Variants in SRPK2 observed in about 807,000 individuals in gnomAD.
The protein encoded by SRPK2 is SFRS protein kinase 2.
A neutral mutation model predicts 90.8 loss-of-function variants in SRPK2; 21 were observed. That is an observed-to-expected ratio of 0.23 (90% confidence interval 0.16 to 0.33). The LOEUF is 0.33. Among genes scored for constraint, SRPK2 ranks in the 10% least tolerant of loss-of-function variants. The pLI, the probability that SRPK2 is intolerant of heterozygous loss-of-function variation, is 1.00. For synonymous variants in SRPK2, 288 were observed against 311.1 expected, an observed-to-expected ratio of 0.93 and a Z score of 0.78; for missense variants, 620 against 869.0, an observed-to-expected ratio of 0.71 and a Z score of 3.60.
intron 2 of SRPK2, among the ~76,000 whole-genome samples, chr7:105,307,343 A>T (rs1211328732): frequency 2.6e-5 from 4 of 152,242 alleles, no homozygotes; most frequent in Non-Finnish European, 5.9e-5. Context: ...TTAAAAGGAT[A>T]AACATACGAT....
intron 2 of SRPK2, among the ~76,000 whole-genome samples, chr7:105,374,969 T>G (rs868172856): frequency 1.3e-5 from 2 of 151,868 alleles, no homozygotes. Context: ...AAATCATATA[T>G]AAGAGATGAT....
intron 2 of SRPK2, among the ~76,000 whole-genome samples, chr7:105,309,909 AT>A (rs1186945806): frequency 6.6e-6 from 1 of 152,184 alleles, no homozygotes; most frequent in African/African-American, 2.4e-5. Context: ...TGAGGGGCTC[AT>A]AAGCCAGTAG....
At chr7:105,353,099 G>C (rs1056545994) in intron 2 of SRPK2, among the ~76,000 whole-genome samples, 1 of 152,110 alleles carries the variant, frequency 6.6e-6, no homozygotes, top group Non-Finnish European at 1.5e-5. Flanking sequence ...TCAGTAAAAT[G>C]AAAGGGTTAG....
intron 2 of SRPK2, among the ~76,000 whole-genome samples, chr7:105,275,074 G>C (rs552334720): frequency 2.0e-5 from 3 of 152,080 alleles, no homozygotes; most frequent in African/African-American, 7.2e-5. Context: ...TTTTAGTAGA[G>C]ACGGGGGTTT....
intron 3 of SRPK2, among the ~76,000 whole-genome samples, chr7:105,203,227 C>T (rs1044360987): frequency 5.3e-5 from 8 of 152,090 alleles, no homozygotes; most frequent in Non-Finnish European, 7.4e-5. Context: ...TGAACTCAAG[C>T]GATCTGCCCA....
chr7:105,247,214 T>C (rs1214244783), intron 2 of SRPK2, among the ~76,000 whole-genome samples: 1 of 152,172 alleles, frequency 6.6e-6, no homozygotes, highest in Non-Finnish European at 1.5e-5. Flanking sequence ...TTTTTCTCTA[T>C]ATACTAACTA....
At chr7:105,164,633 T>C (rs1808238216) in intron 6 of SRPK2, among the ~76,000 whole-genome samples, 1 of 152,238 alleles carries the variant, frequency 6.6e-6, no homozygotes, top group Admixed American at 6.5e-5. Context: ...ATAAAGTTTA[T>C]ATTCTTTATT....
At chr7:105,377,793 C>T (rs551797950) in intron 2 of SRPK2, among the ~76,000 whole-genome samples, 127 of 152,260 alleles carry the variant, frequency 8.3e-4, no homozygotes, top group African/African-American at 3.0e-3. Context: ...AAAATGGCAA[C>T]ACCACCCATA....
intron 2 of SRPK2, among the ~76,000 whole-genome samples, chr7:105,290,225 G>T: frequency 6.9e-6 from 1 of 144,266 alleles, no homozygotes; most frequent in South Asian, 2.2e-4. Flanking sequence ...GGCACAAACA[G>T]ATTTGCAAGA....
chr7:105,312,370 G>A (rs1811800605), intron 2 of SRPK2, among the ~76,000 whole-genome samples: 1 of 138,690 alleles, frequency 7.2e-6, no homozygotes, highest in Non-Finnish European at 1.5e-5. Context: ...AACCCAGGAG[G>A]CGGAGCTTGC....
At chr7:105,319,860 CTTTT>C (rs75125198) in intron 2 of SRPK2, among the ~76,000 whole-genome samples, 2 of 145,734 alleles carry the variant, frequency 1.4e-5, no homozygotes. Context: ...ACTTCCCCCC[CTTTT>C]TTTTTTTTTT....
intron 2 of SRPK2, among the ~76,000 whole-genome samples, chr7:105,330,740 G>A (rs142763623): frequency 2.0e-4 from 30 of 152,232 alleles, no homozygotes; most frequent in East Asian, 1.3e-3. Context: ...GGTGCTTTCC[G>A]AGGCCAAGGC....
intron 2 of SRPK2, among the ~76,000 whole-genome samples, chr7:105,249,135 T>G (rs1302069540): frequency 3.9e-5 from 6 of 152,156 alleles, no homozygotes; most frequent in African/African-American, 1.4e-4. Context: ...TTCACACATC[T>G]GCAGCCTGAT....
At chr7:105,212,992 G>C (rs1797045285) in intron 2 of SRPK2, among the ~76,000 whole-genome samples, 1 of 152,134 alleles carries the variant, frequency 6.6e-6, no homozygotes, top group South Asian at 2.1e-4. Flanking sequence ...AGACATAACT[G>C]AAAGTATATA....
At chr7:105,122,139 C>T (rs976389724) in intron 15 of SRPK2, among the ~76,000 whole-genome samples, 1 of 152,156 alleles carries the variant, frequency 6.6e-6, no homozygotes, top group African/African-American at 2.4e-5. Flanking sequence ...CCCTACCTCA[C>T]ATCCCATACA....
intron 2 of SRPK2, among the ~76,000 whole-genome samples, chr7:105,235,877 C>T (rs1800066390): frequency 3.3e-5 from 5 of 152,126 alleles, no homozygotes; most frequent in Admixed American, 3.3e-4. Context: ...AGAGATGTTG[C>T]ACAGCACTAT....
At chr7:105,342,651 G>T (rs1815961201) in intron 2 of SRPK2, among the ~76,000 whole-genome samples, 1 of 152,104 alleles carries the variant, frequency 6.6e-6, no homozygotes, top group Non-Finnish European at 1.5e-5. Flanking sequence ...ATTACTTCCA[G>T]AATCCACCTT....
chr7:105,392,634 C>T (rs987390708), upstream of SRPK2, among the ~76,000 whole-genome samples: 1 of 151,966 alleles, frequency 6.6e-6, no homozygotes, highest in Non-Finnish European at 1.5e-5. Flanking sequence ...CCACCTCAGC[C>T]TCCCAAGTAG....
chr7:105,273,158 T>C (rs892224965), intron 2 of SRPK2, among the ~76,000 whole-genome samples: 1 of 151,048 alleles, frequency 6.6e-6, no homozygotes. Context: ...GAGGTTGCAG[T>C]GAGCAGAGAT....
Sources: gnomAD v4.1 joint callset for allele counts (sites outside exome capture counted in the v4.1 genomes callset) on GRCh38, gnomAD v4.1.1 for gene constraint, MANE v1.5 for transcripts, NCBI Gene and HGNC (gene_info 2026-07-23, HGNC 2026-07-21) for gene names.